The following MARCHF1 variants were observed in gnomAD, a reference collection of about 807,000 sequenced individuals.
MARCHF1 encodes membrane associated ring-CH-type finger 1, also known as E3 ubiquitin-protein ligase MARCHF1.
Under a neutral mutation model 54.2 loss-of-function variants are expected in MARCHF1, and 40 were observed. That is an observed-to-expected ratio of 0.74 (90% CI 0.57 to 0.96). The LOEUF (loss-of-function observed/expected upper bound fraction) is 0.96. Ranked by LOEUF, MARCHF1 falls within the 40% of genes least tolerant of loss-of-function variation. The pLI is 0.00. For synonymous variants in MARCHF1, 236 were observed against 236.3 expected, an observed-to-expected ratio of 1.00 and a Z score of 0.01; for missense variants, 586 against 656.5, an observed-to-expected ratio of 0.89 and a Z score of 1.17.
intron 1 of MARCHF1, among the ~76,000 whole-genome samples, chr4:164,163,540 G>C (rs1253743218): frequency 6.6e-6 from 1 of 151,800 alleles, no homozygotes; most frequent in Non-Finnish European, 1.5e-5. Context: ...AAAAAAGTAA[G>C]AAAGCAAGAG....
intron 3 of MARCHF1, among the ~76,000 whole-genome samples, chr4:163,874,432 C>T (rs1337698365): frequency 1.3e-5 from 2 of 152,184 alleles, no homozygotes; most frequent in African/African-American, 2.4e-5. Flanking sequence ...AAAGGGATAC[C>T]GAAGTGACTG....
intron 5 of MARCHF1, among the ~76,000 whole-genome samples, chr4:163,622,315 A>C (rs1741719517): frequency 6.6e-6 from 1 of 152,120 alleles, no homozygotes; most frequent in South Asian, 2.1e-4. Flanking sequence ...GGTCTGGGAA[A>C]AACCTGGAGG....
intron 1 of MARCHF1, among the ~76,000 whole-genome samples, chr4:164,343,201 G>C (rs1016902336): frequency 6.6e-6 from 1 of 151,902 alleles, no homozygotes; most frequent in Admixed American, 6.6e-5. Context: ...GCTTAATTGT[G>C]GTAATCATTT....
chr4:163,918,594 G>C (rs1751360574), intron 3 of MARCHF1, among the ~76,000 whole-genome samples: 4 of 152,118 alleles, frequency 2.6e-5, no homozygotes, highest in Admixed American at 1.3e-4. Flanking sequence ...TCAGCAACAT[G>C]CAACTTCACT....
At chr4:164,146,260 C>A (rs1403005892) in intron 1 of MARCHF1, among the ~76,000 whole-genome samples, 1 of 147,488 alleles carries the variant, frequency 6.8e-6, no homozygotes, top group African/African-American at 2.6e-5. Context: ...AGGTAATTTA[C>A]AGATTCCATG....
At chr4:164,218,452 A>G (rs1275945198) in intron 1 of MARCHF1, among the ~76,000 whole-genome samples, 2 of 152,116 alleles carry the variant, frequency 1.3e-5, no homozygotes, top group African/African-American at 4.8e-5. Flanking sequence ...CAGGAAATGA[A>G]GCAATGAGCC....
chr4:163,911,823 C>A (rs1193367210), intron 3 of MARCHF1, among the ~76,000 whole-genome samples: 1 of 152,130 alleles, frequency 6.6e-6, no homozygotes, highest in African/African-American at 2.4e-5. Flanking sequence ...TCCTACTATG[C>A]AAGGGGAGAG....
chr4:163,728,778 C>T (rs1745744198), intron 4 of MARCHF1, among the ~76,000 whole-genome samples: 1 of 152,160 alleles, frequency 6.6e-6, no homozygotes, highest in African/African-American at 2.4e-5. Flanking sequence ...TCCCAATCAA[C>T]ATAATTTTGT....
chr4:163,543,467 G>A (rs1738791009), intron 9 of MARCHF1, among the ~76,000 whole-genome samples: 1 of 151,714 alleles, frequency 6.6e-6, no homozygotes, highest in African/African-American at 2.4e-5. Context: ...AGTGGTAGGG[G>A]ATTATGCATT....
chr4:163,654,835 T>G (rs759729790), intron 5 of MARCHF1, among the ~76,000 whole-genome samples: 4 of 151,720 alleles, frequency 2.6e-5, no homozygotes, highest in Non-Finnish European at 5.9e-5. Flanking sequence ...CTCTGTTTCA[T>G]GACAATCTGT....
chr4:163,950,361 G>T (rs2110779429), intron 3 of MARCHF1, among the ~76,000 whole-genome samples: 1 of 152,356 alleles, frequency 6.6e-6, no homozygotes, highest in South Asian at 2.1e-4. Flanking sequence ...TGCACACCCA[G>T]CCAGGTCATG....
At chr4:164,297,677 TTAA>T (rs1734446931) in intron 1 of MARCHF1, among the ~76,000 whole-genome samples, 1 of 151,508 alleles carries the variant, frequency 6.6e-6, no homozygotes. Context: ...AGCCTGCAGT[TTAA>T]CTAGTAGTAA....
At chr4:163,666,899 G>A (rs1743554282) in intron 5 of MARCHF1, among the ~76,000 whole-genome samples, 1 of 152,018 alleles carries the variant, frequency 6.6e-6, no homozygotes, top group Admixed American at 6.6e-5. Flanking sequence ...TGTGTTATGC[G>A]TGGACTCTGA....
intron 3 of MARCHF1, among the ~76,000 whole-genome samples, chr4:163,965,510 G>T (rs1340829170): frequency 6.6e-6 from 1 of 151,958 alleles, no homozygotes; most frequent in Non-Finnish European, 1.5e-5. Context: ...GTTCCTTATG[G>T]ACTAAACTGC....
At chr4:164,137,911 A>G (rs986775033) in intron 1 of MARCHF1, among the ~76,000 whole-genome samples, 2 of 152,196 alleles carry the variant, frequency 1.3e-5, no homozygotes, top group African/African-American at 4.8e-5. Flanking sequence ...GAGCAAGTTG[A>G]CCTGAAATGA....
At chr4:164,105,153 G>A (rs1243322786) in intron 2 of MARCHF1, among the ~76,000 whole-genome samples, 4 of 104,022 alleles carry the variant, frequency 3.8e-5, no homozygotes, top group Non-Finnish European at 8.8e-5. Context: ...ATGTTCATGG[G>A]TAGGAAGAAT....
intron 2 of MARCHF1, among the ~76,000 whole-genome samples, chr4:164,009,813 G>T (rs1004525830): frequency 6.6e-6 from 1 of 151,844 alleles, no homozygotes; most frequent in African/African-American, 2.4e-5. Flanking sequence ...AAATAAAAAA[G>T]TCCATATATA....
At chr4:163,972,631 C>A (rs899784834) in intron 3 of MARCHF1, among the ~76,000 whole-genome samples, 24 of 152,234 alleles carry the variant, frequency 1.6e-4, no homozygotes, top group African/African-American at 5.8e-4. Flanking sequence ...ACTGCAAGCT[C>A]CACCTCCTGG....
chr4:163,923,506 AGCATTACAGTTTTTATTACAG>A (rs1751474852), intron 3 of MARCHF1, among the ~76,000 whole-genome samples: 1 of 152,120 alleles, frequency 6.6e-6, no homozygotes, highest in African/African-American at 2.4e-5. Flanking sequence ...GCCCAAGCTG[AGCATTACAGTTTTTATTACAG>A]GCTAGTTATG....
Sources: allele counts gnomAD v4.1 joint callset (sites outside exome capture counted in the v4.1 genomes callset), GRCh38; gene constraint gnomAD v4.1.1; transcripts MANE v1.5; gene names NCBI Gene and HGNC (gene_info 2026-07-23, HGNC 2026-07-21).